TCF4: variants seen among roughly 807,000 people sequenced by gnomAD.
The protein encoded by TCF4 is transcription factor 4, also known as SL3-3 enhancer factor 2.
A neutral mutation model predicts 82.1 loss-of-function variants in TCF4; 3 were observed. That is an observed-to-expected ratio of 0.04 (90% CI 0.02 to 0.09). TCF4 has a LOEUF of 0.09. TCF4 is among the 10% of genes least tolerant of loss of function. TCF4 has a pLI of 1.00. For missense variants in TCF4, 518 were observed against 852.7 expected (o/e 0.61, Z 4.89); for synonymous variants, 276 against 309.6 (o/e 0.89, Z 1.14).
intron 2 of TCF4, among the ~76,000 whole-genome samples, chr18:55,603,725 C>A (rs2062306089): frequency 6.6e-6 from 1 of 152,058 alleles, no homozygotes; most frequent in Non-Finnish European, 1.5e-5. Context: ...GCTATCAACC[C>A]CAAGGGAAAA....
At chr18:55,621,997 A>T (rs1273628899) in intron 2 of TCF4, among the ~76,000 whole-genome samples, 15 of 129,072 alleles carry the variant, frequency 1.2e-4, no homozygotes, top group African/African-American at 3.7e-4. Context: ...ACTATATATT[A>T]TATATACACT....
intron 2 of TCF4, chr18:55,585,782 G>T (rs2097638290): frequency 9.1e-7 from 1 of 1,101,310 alleles, no homozygotes; most frequent in Admixed American, 4.8e-5. Context: ...CCTGTCATAT[G>T]TGAACCCAAA....
intron 6 of TCF4, among the ~76,000 whole-genome samples, chr18:55,399,918 AC>A (rs1569371304): frequency 4.8e-4 from 72 of 149,758 alleles, no homozygotes; most frequent in African/African-American, 1.5e-3. Context: ...ACACACACAC[AC>A]ACACACAATA....
chr18:55,234,749 C>A, intron 15 of TCF4, 66 bp from the exon 16 acceptor site: 1 of 1,610,988 alleles, frequency 6.2e-7, no homozygotes, highest in African/African-American at 1.3e-5. Context: ...TTTCCAGAGG[C>A]CAAGAGGACC....
intron 6 of TCF4, among the ~76,000 whole-genome samples, chr18:55,378,118 A>G (rs928452308): frequency 6.6e-6 from 1 of 152,204 alleles, no homozygotes; most frequent in Non-Finnish European, 1.5e-5. Context: ...TCTCAGCAGG[A>G]AATTGCAAAG....
At chr18:55,285,686 G>A (rs1304539760) in intron 8 of TCF4, among the ~76,000 whole-genome samples, 2 of 152,210 alleles carry the variant, frequency 1.3e-5, no homozygotes, top group Non-Finnish European at 2.9e-5. Flanking sequence ...GAGTCCCAGT[G>A]TAGAGTCATG....
chr18:55,582,681 T>C (rs924398234), intron 3 of TCF4, among the ~76,000 whole-genome samples: 9 of 152,158 alleles, frequency 5.9e-5, no homozygotes, highest in Admixed American at 2.6e-4. Context: ...GAGCATCCTA[T>C]ATTAATGGAA....
chr18:55,570,596 A>G (rs1303046738), intron 3 of TCF4, among the ~76,000 whole-genome samples: 1 of 152,150 alleles, frequency 6.6e-6, no homozygotes. Context: ...TAAGACCACA[A>G]TGCGGCCCTG....
chr18:55,261,370 T>C (rs1452304903), intron 12 of TCF4, 96 bp downstream of exon 12: 6 of 1,451,724 alleles, frequency 4.1e-6, no homozygotes, highest in Non-Finnish European at 5.8e-6. Flanking sequence ...TCAAAGCTAT[T>C]TGCCATTCAT....
At chr18:55,480,842 G>A (rs1211920343) in intron 3 of TCF4, among the ~76,000 whole-genome samples, 1 of 152,168 alleles carries the variant, frequency 6.6e-6, no homozygotes, top group East Asian at 1.9e-4. Flanking sequence ...AGTGGCTCAC[G>A]CCTGTAATCC....
intron 10 of TCF4, among the ~76,000 whole-genome samples, chr18:55,272,191 A>G (rs2060526362): frequency 6.6e-6 from 1 of 152,164 alleles, no homozygotes; most frequent in Non-Finnish European, 1.5e-5. Flanking sequence ...AAAGGAGTGA[A>G]CCAATGGAAT....
intron 8 of TCF4, among the ~76,000 whole-genome samples, chr18:55,333,653 C>A (rs535815593): frequency 1.8e-4 from 28 of 152,098 alleles, no homozygotes; most frequent in Non-Finnish European, 2.9e-4. Flanking sequence ...CCACTTGCCC[C>A]ATGTAAGTAA....
chr18:55,261,297 G>A lies in TCF4; in HGVS notation c.990+169C>T, dbSNP rs975836603. 5.5e-5 allele frequency: 43 copies of A among 782,414 alleles called. No individual in the cohort carries two copies. In the Admixed American group the frequency reaches 7.2e-4, roughly 13 times the overall value. The allele number at this position is 782,414 out of a possible 1,614,324, so 48.5% of individuals were successfully genotyped here. On this transcript the variant is annotated intron_variant, in intron 12 of 19. Coordinates refer to ENST00000354452, the MANE Select transcript of TCF4 (RefSeq NM_001083962.2). ...GAGAGAAAGAGACTATATACTGGAA[G>A]CTTCAGAGCCTTCTCAAATTTTCCA...
At chr18:55,586,932 C>T in intron 2 of TCF4, 113 bp downstream of exon 2, 1 of 897,872 alleles carries the variant, frequency 1.1e-6, no homozygotes, top group Non-Finnish European at 1.8e-6. Context: ...AAGGATTCAG[C>T]CAATTAAAAA....
chr18:55,245,862 T>TA (rs1216370187), intron 15 of TCF4, among the ~76,000 whole-genome samples: 1 of 151,986 alleles, frequency 6.6e-6, no homozygotes, highest in African/African-American at 2.4e-5. Context: ...TCTACCAGGA[T>TA]AAAAGGCCTG....
chr18:55,281,032 C>T (rs766211706), intron 8 of TCF4, among the ~76,000 whole-genome samples: 4 of 152,094 alleles, frequency 2.6e-5, no homozygotes, highest in Admixed American at 1.3e-4. Context: ...AAAGCCCACT[C>T]GCACTTCAGA....
intron 2 of TCF4, among the ~76,000 whole-genome samples, chr18:55,623,644 C>G (rs902637854): frequency 2.6e-5 from 4 of 151,942 alleles, no homozygotes; most frequent in African/African-American, 9.7e-5. Flanking sequence ...GGTAGTGGAT[C>G]GATATTTTTT....
At chr18:55,342,409 T>A (rs1000782565) in intron 8 of TCF4, among the ~76,000 whole-genome samples, 9 of 152,170 alleles carry the variant, frequency 5.9e-5, no homozygotes, top group African/African-American at 9.6e-5. Flanking sequence ...GCAATGCAAT[T>A]TCACTCCTGA....
chr18:55,432,026 G>A (rs1212197738), intron 5 of TCF4, among the ~76,000 whole-genome samples: 2 of 152,094 alleles, frequency 1.3e-5, no homozygotes, highest in Admixed American at 6.5e-5. Context: ...TCTGGGCTGG[G>A]CAAGGTGGCT....
Sources: allele counts gnomAD v4.1 joint callset (sites outside exome capture counted in the v4.1 genomes callset), GRCh38; gene constraint gnomAD v4.1.1; transcripts MANE v1.5; gene names NCBI Gene and HGNC (gene_info 2026-07-23, HGNC 2026-07-21).